The following LRRC52 variants were observed in gnomAD, a reference collection of about 807,000 sequenced individuals.
LRRC52 encodes leucine-rich repeat-containing protein 52.
A neutral mutation model predicts 14.7 loss-of-function variants in LRRC52; 15 were observed. The observed-to-expected ratio is 1.02, with a 90% CI of 0.68 to 1.58. The LOEUF is 1.58. LRRC52 is among the 40% of genes most tolerant of loss of function. LRRC52 has a pLI of 0.00. For missense variants in LRRC52, 400 were observed against 387.7 expected, an observed-to-expected ratio of 1.03 and a Z score of -0.27; for synonymous variants, 180 against 163.9, an observed-to-expected ratio of 1.10 and a Z score of -0.75.
At chr1:165,551,112 A>G (rs1390908612) in intron 1 of LRRC52, among the ~76,000 whole-genome samples, 1 of 152,166 alleles carries the variant, frequency 6.6e-6, no homozygotes, top group Non-Finnish European at 1.5e-5. Context: ...ATAATTAGGA[A>G]GTTCATTTAA....
intron 1 of LRRC52, among the ~76,000 whole-genome samples, chr1:165,546,707 C>T (rs1661028352): frequency 6.6e-6 from 1 of 152,090 alleles, no homozygotes; most frequent in Non-Finnish European, 1.5e-5. Flanking sequence ...CACCCCAGCA[C>T]CTAAGCCTAC....
rs540205652 is a variant in LRRC52, at chr1:165,545,281, T to G, written c.622+363T>G. Among the ~76,000 whole-genome samples the G allele has an allele frequency of 5.3e-5, 8 of 152,254 alleles. No individual in the cohort carries two copies. In the East Asian group the frequency reaches 1.5e-3, roughly 29 times the overall value. On this transcript the variant is annotated intron_variant, in intron 1 of 1. Transcript: ENST00000294818. ...TGTAGAAATGATGAAGTACTCTAATTGCAAAGTGACAAGGTAATATAGGGA... is the reference window on the plus strand; with the variant it reads ...TGTAGAAATGATGAAGTACTCTAATGGCAAAGTGACAAGGTAATATAGGGA...
rs759076105 is a variant in LRRC52, at chr1:165,563,672, T to C, written c.790T>C (p.Trp264Arg). 2 of 1,614,210 alleles carry C rather than the reference T, an allele frequency of 1.2e-6. No homozygotes were observed. The highest frequency in any genetic ancestry group is 1.7e-6 in the Non-Finnish European group (2 of 1,180,024). Residue 264 changes from tryptophan (W) to arginine (R), a missense_variant, in exon 2 of 2, where the codon TGG (tryptophan) becomes CGG (arginine). By Grantham distance (101) the Trp-to-Arg change is moderately radical. Transcript: ENST00000294818. The part of the protein sequence containing the change: ...CIFAAGTVAA[W>R]LTGVCAVLYQ... ...CTTCGCCGCGGGAACTGTGGCTGCCTGGCTCACAGGTGTGTGTGCTGTGCT... is the reference window on the plus strand; with the variant it reads ...CTTCGCCGCGGGAACTGTGGCTGCCCGGCTCACAGGTGTGTGTGCTGTGCT...
intron 1 of LRRC52, among the ~76,000 whole-genome samples, chr1:165,563,111 A>G (rs12084147): frequency 0.048 from 7,263 of 152,094 alleles, 215 homozygotes; most frequent in Non-Finnish European, 0.068. Context: ...GAACAGAGAG[A>G]TGTCAACACT....
chr1:165,552,568 G>A (rs1237755777), intron 1 of LRRC52, among the ~76,000 whole-genome samples: 1 of 152,180 alleles, frequency 6.6e-6, no homozygotes, highest in Non-Finnish European at 1.5e-5. Context: ...GGCAGCCTAT[G>A]GCAACAGTGA....
At chr1:165,557,219 C>T (rs1227994840) in intron 1 of LRRC52, among the ~76,000 whole-genome samples, 2 of 152,208 alleles carry the variant, frequency 1.3e-5, no homozygotes, top group South Asian at 4.1e-4. Flanking sequence ...TCTCACAGGA[C>T]AGAGGAGGTG....
At chr1:165,554,364 C>T (rs1661191406) in intron 1 of LRRC52, among the ~76,000 whole-genome samples, 1 of 152,110 alleles carries the variant, frequency 6.6e-6, no homozygotes, top group African/African-American at 2.4e-5. Flanking sequence ...GACGTTAAAG[C>T]TTCCAAGATG....
At chr1:165,551,368 C>T (rs1661128136) in intron 1 of LRRC52, among the ~76,000 whole-genome samples, 1 of 152,212 alleles carries the variant, frequency 6.6e-6, no homozygotes, top group Non-Finnish European at 1.5e-5. Context: ...AACCCTAGAA[C>T]AGTGGCCTGT....
chr1:165,544,281 G>A lies in LRRC52; in HGVS notation c.-16G>A, dbSNP rs1195153958. The A allele has an allele frequency of 1.2e-6, 2 of 1,607,060 alleles. No homozygotes were observed. Among genetic ancestry groups the A allele is most frequent in the East Asian group, 2.2e-5 (1 of 44,788 alleles). ...CCCGCAGGAAGGTGAAAGGAGGGTG[G>A]TTGTGGCTTCTTACTATGTCCCTTG... On this transcript the variant is annotated 5_prime_UTR_variant, in exon 1 of 2. Coordinates refer to ENST00000294818, the MANE Select transcript of LRRC52 (RefSeq NM_001005214.4).
intron 1 of LRRC52, among the ~76,000 whole-genome samples, chr1:165,556,063 G>A (rs946238687): frequency 3.3e-5 from 5 of 152,232 alleles, no homozygotes; most frequent in Non-Finnish European, 7.3e-5. Context: ...CCCTGAGTAG[G>A]GATTAAGTCA....
chr1:165,546,994 C>G (rs912861519), intron 1 of LRRC52, among the ~76,000 whole-genome samples: 1 of 152,086 alleles, frequency 6.6e-6, no homozygotes, highest in Non-Finnish European at 1.5e-5. Flanking sequence ...CACACACGTA[C>G]CCACAACTGC....
rs137999791 is a variant in LRRC52 at position 165,548,360 on chromosome 1, CAAGTG to C, written c.622+3443_622+3447del. ...TATTGAGTGCCTACTATGTGCCAAACAAGTGCTCATGAAGGTAACTAACCAAGAAA... is the reference window on the plus strand; with the variant it reads ...TATTGAGTGCCTACTATGTGCCAAACCTCATGAAGGTAACTAACCAAGAAA... On this transcript the variant is annotated intron_variant, in intron 1 of 1. Transcript: ENST00000294818. Among the ~76,000 whole-genome samples, 989 of 152,326 alleles carry C rather than the reference CAAGTG, an allele frequency of 6.5e-3. 2 individuals carry two copies. Among genetic ancestry groups the C allele is most frequent in the African/African-American group, 0.022 (925 of 41,570 alleles).
chr1:165,547,300 T>A (rs1466781302), intron 1 of LRRC52, among the ~76,000 whole-genome samples: 1 of 152,218 alleles, frequency 6.6e-6, no homozygotes, highest in African/African-American at 2.4e-5. Flanking sequence ...AGTTTAGTTA[T>A]AAATATAAGT....
At chr1:165,550,887 T>G (rs1661116751) in intron 1 of LRRC52, among the ~76,000 whole-genome samples, 1 of 152,204 alleles carries the variant, frequency 6.6e-6, no homozygotes, top group Admixed American at 6.5e-5. Flanking sequence ...TCACTTTCCT[T>G]CTTCAAGAGT....
chr1:165,557,938 C>T (rs969496586), intron 1 of LRRC52, among the ~76,000 whole-genome samples: 6 of 152,214 alleles, frequency 3.9e-5, no homozygotes, highest in African/African-American at 1.4e-4. Flanking sequence ...CTGCCCATGG[C>T]CTGGCTCCTT....
At chr1:165,551,149 T>C (rs1661122695) in intron 1 of LRRC52, among the ~76,000 whole-genome samples, 2 of 152,136 alleles carry the variant, frequency 1.3e-5, no homozygotes, top group African/African-American at 4.8e-5. Context: ...ACTCCTGTAC[T>C]CTCCCACCTC....
At chr1:165,546,036 G>T (rs1211804113) in intron 1 of LRRC52, among the ~76,000 whole-genome samples, 1 of 152,028 alleles carries the variant, frequency 6.6e-6, no homozygotes, top group Non-Finnish European at 1.5e-5. Flanking sequence ...AAATAATCCT[G>T]GCCAGAATGA....
At chr1:165,548,225 T>C (rs1012886099) in intron 1 of LRRC52, among the ~76,000 whole-genome samples, 10 of 152,198 alleles carry the variant, frequency 6.6e-5, no homozygotes, top group Non-Finnish European at 1.5e-4. Context: ...CACTGTAGTG[T>C]AATATTAAGG....
chr1:165,555,180 G>A (rs1391703593), intron 1 of LRRC52, among the ~76,000 whole-genome samples: 1 of 152,248 alleles, frequency 6.6e-6, no homozygotes, highest in African/African-American at 2.4e-5. Context: ...AGGAAAATAA[G>A]AGAGGGGAAG....
Sources: gnomAD v4.1 joint callset for allele counts (sites outside exome capture counted in the v4.1 genomes callset) on GRCh38, gnomAD v4.1.1 for gene constraint, MANE v1.5 for transcripts, NCBI Gene and HGNC (gene_info 2026-07-23, HGNC 2026-07-21) for gene names.